The following KLHL1 variants were observed in gnomAD, a reference collection of about 807,000 sequenced individuals.
KLHL1 encodes kelch-like protein 1.
KLHL1 carries 47 observed loss-of-function variants against 77.7 expected under a neutral mutation model. The observed-to-expected ratio is 0.60, with a 90% CI of 0.48 to 0.77. The LOEUF (loss-of-function observed/expected upper bound fraction) is 0.77, where lower values mean the gene tolerates loss of function less well. KLHL1 is among the 30% of genes least tolerant of loss of function. KLHL1 has a pLI of 0.00. For missense variants in KLHL1, 925 were observed against 910.8 expected (o/e 1.02, Z -0.20); for synonymous variants, 360 against 325.2 (o/e 1.11, Z -1.15).
intron 1 of KLHL1, among the ~76,000 whole-genome samples, chr13:70,045,575 A>AAC (rs35057277): frequency 0.34 from 51,116 of 150,482 alleles, 9,139 homozygotes; most frequent in East Asian, 0.67. Flanking sequence ...AAAAACACAC[A>AAC]ACACACACAC....
Position 70,104,690 on chromosome 13 carries a change from A to G in KLHL1, c.497+2513T>C, listed in dbSNP as rs148178124. ...AAATATGACATCATTGTTTGGTGAT[A>G]TGATAATGACCTAAGTGATAAAAAT... On this transcript the variant is annotated intron_variant, in intron 1 of 10. Coordinates refer to ENST00000377844, the MANE Select transcript of KLHL1 (RefSeq NM_020866.3). 3.7e-4 allele frequency among the ~76,000 whole-genome samples: 56 copies of G among 152,282 alleles called. 1 individual carries two copies. The East Asian group carries it at 8.1e-3, about 22-fold the overall frequency.
intron 4 of KLHL1, among the ~76,000 whole-genome samples, chr13:69,933,807 A>G (rs1423404473): frequency 6.6e-6 from 1 of 151,932 alleles, no homozygotes; most frequent in Non-Finnish European, 1.5e-5. Flanking sequence ...GGAAAAAAAA[A>G]TACTTGAGAA....
intron 9 of KLHL1, among the ~76,000 whole-genome samples, chr13:69,714,710 C>T (rs1876035418): frequency 1.3e-5 from 2 of 151,906 alleles, no homozygotes; most frequent in Admixed American, 6.6e-5. Flanking sequence ...CCTCCCACCT[C>T]AGCCTCCCAA....
At chr13:69,774,705 A>T (rs2137989393) in intron 7 of KLHL1, among the ~76,000 whole-genome samples, 1 of 152,194 alleles carries the variant, frequency 6.6e-6, no homozygotes, top group East Asian at 1.9e-4. Flanking sequence ...AATAGCCTAT[A>T]GTATTCTGTT....
chr13:70,058,424 T>C (rs919321923), intron 1 of KLHL1, among the ~76,000 whole-genome samples: 2 of 152,190 alleles, frequency 1.3e-5, no homozygotes, highest in African/African-American at 4.8e-5. Flanking sequence ...AGCATTTATG[T>C]ATGCCAAGAG....
chr13:69,764,930 T>C (rs868025911), intron 7 of KLHL1, among the ~76,000 whole-genome samples: 285 of 21,702 alleles, frequency 0.013, 1 homozygote, highest in African/African-American at 0.05. Context: ...ATATCTTTGC[T>C]TTTTTTTTTT....
At chr13:69,789,920 C>T (rs1006724188) in intron 7 of KLHL1, among the ~76,000 whole-genome samples, 11 of 151,992 alleles carry the variant, frequency 7.2e-5, no homozygotes, top group Admixed American at 4.6e-4. Context: ...CTACCTAATA[C>T]GTCTAGAGTA....
intron 3 of KLHL1, among the ~76,000 whole-genome samples, chr13:69,953,059 C>T (rs1883761137): frequency 6.6e-6 from 1 of 151,160 alleles, no homozygotes; most frequent in African/African-American, 2.4e-5. Context: ...TACTGTGAGG[C>T]ATAGCTAAGA....
rs576760020 is a variant in KLHL1 at position 69,925,200 on chromosome 13, A to G, written c.1014+14840T>C. On this transcript the variant is annotated intron_variant, in intron 4 of 10. Coordinates refer to ENST00000377844, the MANE Select transcript of KLHL1 (RefSeq NM_020866.3). ...ATAACAGTATTATGGTTAAAACTTCAGATTTTTTTGTCTAGTTTTCATAAT... is the reference window on the plus strand; with the variant it reads ...ATAACAGTATTATGGTTAAAACTTCGGATTTTTTTGTCTAGTTTTCATAAT... 2.6e-5 allele frequency among the ~76,000 whole-genome samples: 4 copies of G among 152,282 alleles called. No individual in the cohort carries two copies. In the South Asian group the frequency reaches 8.3e-4, roughly 32 times the overall value.
intron 7 of KLHL1, among the ~76,000 whole-genome samples, chr13:69,750,569 A>G (rs9542072): frequency 0.043 from 6,480 of 151,942 alleles, 252 homozygotes; most frequent in African/African-American, 0.099. Flanking sequence ...CCCCCAAAAT[A>G]TATAAGCATA....
At chr13:69,771,485 G>T (rs915060347) in intron 7 of KLHL1, among the ~76,000 whole-genome samples, 2 of 152,116 alleles carry the variant, frequency 1.3e-5, no homozygotes, top group African/African-American at 4.8e-5. Flanking sequence ...TAAGGGCCAA[G>T]GTTAGAAATT....
intron 6 of KLHL1, among the ~76,000 whole-genome samples, chr13:69,799,604 A>G (rs1025072185): frequency 3.9e-5 from 6 of 152,158 alleles, no homozygotes; most frequent in Non-Finnish European, 5.9e-5. Context: ...TACTATGGCT[A>G]CTGTTAAGAA....
intron 4 of KLHL1, among the ~76,000 whole-genome samples, chr13:69,901,775 TTC>T (rs950308284): frequency 2.9e-5 from 4 of 139,254 alleles, no homozygotes; most frequent in Non-Finnish European, 6.1e-5. Flanking sequence ...GTTTTTCATT[TTC>T]TTTCTTTTTC....
intron 7 of KLHL1, among the ~76,000 whole-genome samples, chr13:69,786,050 G>A (rs923340483): frequency 6.6e-6 from 1 of 152,042 alleles, no homozygotes; most frequent in African/African-American, 2.4e-5. Flanking sequence ...AGGACCAGAT[G>A]GATTCACAGC....
intron 1 of KLHL1, among the ~76,000 whole-genome samples, chr13:70,048,691 A>T (rs1886557455): frequency 6.6e-6 from 1 of 152,196 alleles, no homozygotes; most frequent in African/African-American, 2.4e-5. Flanking sequence ...TGAGAATCTA[A>T]TGCAGCCTCT....
chr13:69,729,886 G>T (rs1206867651), intron 8 of KLHL1, among the ~76,000 whole-genome samples: 1 of 152,114 alleles, frequency 6.6e-6, no homozygotes, highest in Non-Finnish European at 1.5e-5. Context: ...ACTTCAAAGA[G>T]TATTGATATC....
intron 6 of KLHL1, among the ~76,000 whole-genome samples, chr13:69,798,750 T>C (rs1180799747): frequency 1.3e-5 from 2 of 152,042 alleles, no homozygotes; most frequent in Non-Finnish European, 1.5e-5. Context: ...TTATATTACA[T>C]GAATGCATAA....
chr13:70,016,061 A>C (rs2137345186), intron 1 of KLHL1, among the ~76,000 whole-genome samples: 1 of 152,352 alleles, frequency 6.6e-6, no homozygotes, highest in African/African-American at 2.4e-5. Flanking sequence ...CAATTTCAGA[A>C]CTCAAACACA....
At chr13:69,764,720 A>G (rs902230876) in intron 7 of KLHL1, among the ~76,000 whole-genome samples, 7 of 152,060 alleles carry the variant, frequency 4.6e-5, no homozygotes, top group African/African-American at 1.7e-4. Flanking sequence ...TTAGAAATGC[A>G]GAATACCTCT....
Sources: gnomAD v4.1 joint callset for allele counts (sites outside exome capture counted in the v4.1 genomes callset) on GRCh38, gnomAD v4.1.1 for gene constraint, MANE v1.5 for transcripts, NCBI Gene and HGNC (gene_info 2026-07-23, HGNC 2026-07-21) for gene names.